SEPTIN7: variants seen among roughly 807,000 people sequenced by gnomAD.
SEPTIN7 encodes septin 7.
SEPTIN7 carries 10 observed loss-of-function variants against 63.3 expected under a neutral mutation model. That is an observed-to-expected ratio of 0.16 (90% CI 0.10 to 0.27). The LOEUF is 0.27. Among genes scored for constraint, SEPTIN7 ranks in the 10% least tolerant of loss-of-function variants. The pLI is 1.00. For missense variants in SEPTIN7, 310 were observed against 521.0 expected, an observed-to-expected ratio of 0.59 and a Z score of 3.94; for synonymous variants, 131 against 165.3, an observed-to-expected ratio of 0.79 and a Z score of 1.59.
chr7:35,885,703 C>CA (rs565646131), intron 9 of SEPTIN7, 125 bp from the exon 10 acceptor site: 55 of 723,716 alleles, frequency 7.6e-5, no homozygotes, highest in African/African-American at 5.8e-4. Flanking sequence ...TGTTAAATCT[C>CA]AAAAAAATTG....
chr7:35,910,286 A>C (rs1788718445), downstream of SEPTIN7, among the ~76,000 whole-genome samples: 1 of 152,244 alleles, frequency 6.6e-6, no homozygotes, highest in African/African-American at 2.4e-5. Flanking sequence ...GGTGGCACAA[A>C]TACAGCAAGC....
intron 3 of SEPTIN7, among the ~76,000 whole-genome samples, chr7:35,843,079 A>G (rs1216017381): frequency 6.6e-6 from 1 of 152,048 alleles, no homozygotes; most frequent in African/African-American, 2.4e-5. Context: ...ATTATCTTCC[A>G]TATGTGTACT....
At position 35,879,853 on chromosome 7, in the gene SEPTIN7, G is replaced by A; in HGVS notation, c.543G>A (p.Lys181=). 7.5e-6 allele frequency: 12 copies of A among 1,594,242 alleles called. No homozygotes were observed. The highest frequency in any genetic ancestry group is 1.0e-5 in the Non-Finnish European group (12 of 1,168,478). The change falls in exon 7 of 14, where the codon AAG becomes AAA. Residue 181 remains lysine, a synonymous_variant. Transcript: ENST00000350320. ...GLKPLDIEFM[K]RLHEKVNIIP... is the part of the protein sequence containing the mutation. ...AACCATTGGATATTGAGTTTATGAA[G>A]CGTTTGCATGAAAAAGTGAATATCA...
intron 1 of SEPTIN7, among the ~76,000 whole-genome samples, chr7:35,801,813 T>G (rs980645040): frequency 6.6e-6 from 1 of 151,520 alleles, no homozygotes; most frequent in African/African-American, 2.4e-5. Context: ...GGAAGAAGGA[T>G]GCACCAGGCT....
At chr7:35,838,270 T>C (rs1583536807) in intron 3 of SEPTIN7, among the ~76,000 whole-genome samples, 1 of 12,506 alleles carries the variant, frequency 8.0e-5, no homozygotes, top group East Asian at 2.1e-3. Flanking sequence ...CCTTCCTTCC[T>C]TCCTTCCTTC....
At chr7:35,836,078 G>A (rs1023157150) in intron 3 of SEPTIN7, among the ~76,000 whole-genome samples, 2 of 152,142 alleles carry the variant, frequency 1.3e-5, no homozygotes, top group African/African-American at 2.4e-5. Flanking sequence ...AGACTAGCCA[G>A]GATTTTGGAG....
chr7:35,892,157 G>A (rs1249855233), intron 11 of SEPTIN7, among the ~76,000 whole-genome samples: 1 of 152,128 alleles, frequency 6.6e-6, no homozygotes, highest in Admixed American at 6.6e-5. Flanking sequence ...ACAATTAGAC[G>A]ATAATCCTGA....
chr7:35,811,058 T>G (rs1267366376), intron 1 of SEPTIN7, among the ~76,000 whole-genome samples: 1 of 152,218 alleles, frequency 6.6e-6, no homozygotes, highest in Non-Finnish European at 1.5e-5. Context: ...CATGAGCCAC[T>G]GTGCCCAGCC....
At chr7:35,882,035 T>C (rs1329828912) in intron 7 of SEPTIN7, among the ~76,000 whole-genome samples, 1 of 152,036 alleles carries the variant, frequency 6.6e-6, no homozygotes, top group African/African-American at 2.4e-5. Flanking sequence ...TACTTAGTTT[T>C]ACCTTACTTT....
In SEPTIN7 at chr7:35,905,082, A is replaced by C. The variant is rs1562596262; in HGVS notation, c.*789A>C. ...CTTTTTACACTTTATGGTAAGTAGCAGGGGGGGAAATGCATTTATAGATCA... is the reference window on the plus strand; with the variant it reads ...CTTTTTACACTTTATGGTAAGTAGCCGGGGGGGAAATGCATTTATAGATCA... On this transcript the variant is annotated 3_prime_UTR_variant, in exon 14 of 14. Transcript: ENST00000350320. The C allele has an allele frequency of 6.6e-6, 1 of 152,476 alleles. No homozygotes were observed. The allele number at this position is 152,476 out of a possible 1,614,324, so 9.4% of individuals were successfully genotyped here.
intron 13 of SEPTIN7, among the ~76,000 whole-genome samples, chr7:35,903,469 C>T (rs1218588700): frequency 1.3e-5 from 2 of 152,076 alleles, no homozygotes; most frequent in Non-Finnish European, 2.9e-5. Flanking sequence ...TAACATTCTC[C>T]CCAGTTAACT....
intron 1 of SEPTIN7, among the ~76,000 whole-genome samples, chr7:35,820,093 A>G (rs532500745): frequency 4.0e-5 from 6 of 151,510 alleles, no homozygotes; most frequent in African/African-American, 1.5e-4. Context: ...GAAATATGTT[A>G]TCCTTTTGCT....
At chr7:35,820,450 G>A (rs1191713094) in intron 1 of SEPTIN7, among the ~76,000 whole-genome samples, 2 of 151,242 alleles carry the variant, frequency 1.3e-5, no homozygotes, top group East Asian at 3.9e-4. Flanking sequence ...TACTTAAATT[G>A]GTTAATGTTA....
rs117752646 is a variant in SEPTIN7 at position 35,893,576 on chromosome 7, C to T, written c.998+2783C>T. Among the ~76,000 whole-genome samples, 63 of 152,112 alleles carry T rather than the reference C, an allele frequency of 4.1e-4. 1 individual carries two copies. The East Asian group carries it at 0.012, about 28-fold the overall frequency. Reference sequence around the variant, plus strand: ...GTGTAAGTACACTATGTTGTTGAACCGATGACAAGTGAATTTCTCAGAATG... The same window carrying T: ...GTGTAAGTACACTATGTTGTTGAACTGATGACAAGTGAATTTCTCAGAATG... On this transcript the variant is annotated intron_variant, in intron 11 of 13. Coordinates refer to ENST00000350320, the MANE Select transcript of SEPTIN7 (RefSeq NM_001788.6).
intron 1 of SEPTIN7, 133 bp downstream of exon 1, chr7:35,801,403 G>GGCC (rs920966928): frequency 1.2e-5 from 14 of 1,121,694 alleles, no homozygotes; most frequent in Non-Finnish European, 1.7e-5. Flanking sequence ...CCGGGATGGG[G>GGCC]GCCACTGCGG....
chr7:35,830,419 A>G (rs983422245), intron 1 of SEPTIN7, among the ~76,000 whole-genome samples: 2 of 152,132 alleles, frequency 1.3e-5, no homozygotes, highest in Middle Eastern at 3.2e-3. Context: ...GAGGAGCTTT[A>G]AAAAATACTG....
chr7:35,836,024 A>T (rs1784071543), intron 3 of SEPTIN7, among the ~76,000 whole-genome samples: 2 of 152,134 alleles, frequency 1.3e-5, no homozygotes, highest in African/African-American at 4.8e-5. Flanking sequence ...TTAGGATCTG[A>T]CCCCTAAGGT....
In SEPTIN7 at chr7:35,844,538, C is replaced by G. The variant is rs112704154; in HGVS notation, c.169+11638C>G. 4.7e-4 allele frequency among the ~76,000 whole-genome samples: 71 copies of G among 152,300 alleles called. 1 individual carries two copies. The highest frequency in any genetic ancestry group is 1.7e-3 in the African/African-American group (69 of 41,566). ...TTAAAACTTCAATTTCTGTCACAGA[C>G]AAGCTGTATGACCCTGGACAGATCA... On this transcript the variant is annotated intron_variant, in intron 3 of 13. Coordinates refer to ENST00000350320, the MANE Select transcript of SEPTIN7 (RefSeq NM_001788.6).
intron 3 of SEPTIN7, among the ~76,000 whole-genome samples, chr7:35,852,349 T>C (rs1456187318): frequency 6.6e-6 from 1 of 152,090 alleles, no homozygotes; most frequent in Admixed American, 6.6e-5. Context: ...TACTATAACC[T>C]TTGCCCCTAG....
Sources: allele counts gnomAD v4.1 joint callset (sites outside exome capture counted in the v4.1 genomes callset), GRCh38; gene constraint gnomAD v4.1.1; transcripts MANE v1.5; gene names NCBI Gene and HGNC (gene_info 2026-07-23, HGNC 2026-07-21).